ZBTB7C: variants seen among roughly 807,000 people sequenced by gnomAD.
ZBTB7C encodes the protein zinc finger and BTB domain-containing protein 7C.
ZBTB7C carries 8 observed loss-of-function variants against 25.7 expected under a neutral mutation model. The observed-to-expected ratio is 0.31, with a 90% confidence interval of 0.18 to 0.56. The LOEUF is 0.56. ZBTB7C is among the 20% of genes least tolerant of loss of function. ZBTB7C has a pLI of 0.91. For missense variants in ZBTB7C, 824 were observed against 855.2 expected, an observed-to-expected ratio of 0.96 and a Z score of 0.46; for synonymous variants, 394 against 369.0, an observed-to-expected ratio of 1.07 and a Z score of -0.78.
intron 2 of ZBTB7C, among the ~76,000 whole-genome samples, chr18:48,229,859 G>A (rs1042635501): frequency 6.6e-6 from 1 of 152,096 alleles, no homozygotes. Context: ...GTGGCCAAGG[G>A]GGAACAAGGC....
intron 2 of ZBTB7C, among the ~76,000 whole-genome samples, chr18:48,253,398 GT>G (rs2043926678): frequency 6.6e-6 from 1 of 152,152 alleles, no homozygotes; most frequent in Non-Finnish European, 1.5e-5. Flanking sequence ...GACAATATAG[GT>G]GAAACAACAG....
At chr18:48,305,741 G>A (rs1465577711) in intron 2 of ZBTB7C, among the ~76,000 whole-genome samples, 5 of 152,148 alleles carry the variant, frequency 3.3e-5, no homozygotes, top group Non-Finnish European at 7.4e-5. Flanking sequence ...TCCATCATGT[G>A]TGCTTAGACC....
intron 2 of ZBTB7C, among the ~76,000 whole-genome samples, chr18:48,239,982 A>T (rs2043481338): frequency 6.6e-6 from 1 of 152,112 alleles, no homozygotes; most frequent in African/African-American, 2.4e-5. Context: ...TAAGATATGG[A>T]CAAAAAAATC....
intron 3 of ZBTB7C, among the ~76,000 whole-genome samples, chr18:48,126,347 C>G (rs2039798005): frequency 6.6e-6 from 1 of 152,054 alleles, no homozygotes; most frequent in Non-Finnish European, 1.5e-5. Context: ...CCTCTGATAC[C>G]CTGGGGCTTG....
chr18:48,109,471 G>T (rs11663907), intron 3 of ZBTB7C, among the ~76,000 whole-genome samples: 16 of 152,040 alleles, frequency 1.1e-4, no homozygotes, highest in Non-Finnish European at 1.9e-4. Context: ...GAACTGGAAA[G>T]ATCCAGACAT....
At chr18:48,105,019 G>A (rs749667100) in intron 3 of ZBTB7C, among the ~76,000 whole-genome samples, 4 of 152,198 alleles carry the variant, frequency 2.6e-5, no homozygotes, top group Non-Finnish European at 5.9e-5. Context: ...ACTGATCCCC[G>A]CCTCTGTGGT....
intron 3 of ZBTB7C, among the ~76,000 whole-genome samples, chr18:48,168,236 T>A (rs1599016785): frequency 6.6e-6 from 1 of 152,202 alleles, no homozygotes; most frequent in African/African-American, 2.4e-5. Context: ...TGCAAAGAGG[T>A]CCTTGGAAAA....
chr18:48,266,207 T>A (rs4939770), intron 2 of ZBTB7C, among the ~76,000 whole-genome samples: 1 of 151,994 alleles, frequency 6.6e-6, no homozygotes, highest in Non-Finnish European at 1.5e-5. Context: ...AAGTGGTCGA[T>A]GGAGCTAGGA....
chr18:48,378,091 C>T (rs983754233), intron 1 of ZBTB7C, among the ~76,000 whole-genome samples: 1 of 152,052 alleles, frequency 6.6e-6, no homozygotes, highest in Non-Finnish European at 1.5e-5. Context: ...GCGGAGGTTG[C>T]AGTGAGCCGA....
intron 3 of ZBTB7C, among the ~76,000 whole-genome samples, chr18:48,105,018 C>T (rs9947627): frequency 0.73 from 111,025 of 152,200 alleles, 41,031 homozygotes; most frequent in African/African-American, 0.84. Flanking sequence ...TACTGATCCC[C>T]GCCTCTGTGG....
intron 2 of ZBTB7C, among the ~76,000 whole-genome samples, chr18:48,214,937 C>T (rs556741208): frequency 4.6e-5 from 7 of 152,300 alleles, no homozygotes; most frequent in Middle Eastern, 3.4e-3. Flanking sequence ...TCAATTCCTT[C>T]GGGTTTATAT....
At chr18:48,316,377 T>C (rs2045947362) in intron 2 of ZBTB7C, among the ~76,000 whole-genome samples, 2 of 152,152 alleles carry the variant, frequency 1.3e-5, no homozygotes, top group Non-Finnish European at 2.9e-5. Context: ...GCCCCTAGCC[T>C]GAGCAGGCAA....
chr18:48,160,106 G>A (rs1344309904), intron 3 of ZBTB7C, among the ~76,000 whole-genome samples: 2 of 152,176 alleles, frequency 1.3e-5, no homozygotes, highest in East Asian at 1.9e-4. Flanking sequence ...GTCTCCTCCC[G>A]CACAATGACT....
chr18:48,255,719 T>C (rs927023610), intron 2 of ZBTB7C, among the ~76,000 whole-genome samples: 14 of 152,198 alleles, frequency 9.2e-5, no homozygotes, highest in Admixed American at 3.9e-4. Flanking sequence ...CCAGCTCAGC[T>C]CATTAGAACA....
chr18:48,074,276 A>G (rs373563564), intron 3 of ZBTB7C, among the ~76,000 whole-genome samples: 45 of 152,208 alleles, frequency 3.0e-4, no homozygotes, highest in African/African-American at 1.0e-3. Flanking sequence ...GGCCTCCCAA[A>G]GTGCTGGGAT....
chr18:48,217,383 G>A (rs1242471607), intron 2 of ZBTB7C, among the ~76,000 whole-genome samples: 1 of 152,094 alleles, frequency 6.6e-6, no homozygotes, highest in East Asian at 1.9e-4. Flanking sequence ...TCACTCCCAG[G>A]CTTAAAACCC....
intron 1 of ZBTB7C, among the ~76,000 whole-genome samples, chr18:48,367,192 TATATATATATACAC>T (rs1162224217): frequency 1.3e-4 from 7 of 53,516 alleles, no homozygotes; most frequent in African/African-American, 4.6e-4. Flanking sequence ...TATATATATA[TATATATATATACAC>T]ACACACACAC....
chr18:48,351,926 C>T (rs2046872115), intron 1 of ZBTB7C, among the ~76,000 whole-genome samples: 1 of 152,134 alleles, frequency 6.6e-6, no homozygotes, highest in Admixed American at 6.5e-5. Context: ...TGCTAAGTCC[C>T]AGCAGGTGAA....
At chr18:48,218,053 T>A (rs1318850230) in intron 2 of ZBTB7C, among the ~76,000 whole-genome samples, 1 of 151,878 alleles carries the variant, frequency 6.6e-6, no homozygotes, top group Non-Finnish European at 1.5e-5. Context: ...ATGGAAAAGG[T>A]CATGGAGCCC....
Sources: allele counts gnomAD v4.1 joint callset (sites outside exome capture counted in the v4.1 genomes callset), GRCh38; gene constraint gnomAD v4.1.1; transcripts MANE v1.5; gene names NCBI Gene and HGNC (gene_info 2026-07-23, HGNC 2026-07-21).